The following PLCL2 variants were observed in gnomAD, a reference collection of about 807,000 sequenced individuals.
PLCL2 encodes the protein inactive phospholipase C-like protein 2.
PLCL2 carries 4 observed loss-of-function variants against 79.6 expected under a neutral mutation model. That is an observed-to-expected ratio of 0.05 (90% CI 0.02 to 0.11). The LOEUF (loss-of-function observed/expected upper bound fraction) is 0.11, where lower values mean the gene tolerates loss of function less well. Among genes scored for constraint, PLCL2 ranks in the 10% least tolerant of loss-of-function variants. The pLI is 1.00. For synonymous variants in PLCL2, 484 were observed against 457.7 expected, an observed-to-expected ratio of 1.06 and a Z score of -0.73; for missense variants, 895 against 1,291.0, an observed-to-expected ratio of 0.69 and a Z score of 4.70.
chr3:17,088,920 C>G (rs1172799808), intron 5 of PLCL2, among the ~76,000 whole-genome samples: 9 of 152,200 alleles, frequency 5.9e-5, no homozygotes, highest in Non-Finnish European at 1.3e-4. Context: ...AGTTGATGGT[C>G]AGACCTCAGA....
At chr3:17,060,152 T>C (rs1055000056) in intron 4 of PLCL2, among the ~76,000 whole-genome samples, 1 of 152,178 alleles carries the variant, frequency 6.6e-6, no homozygotes, top group South Asian at 2.1e-4. Flanking sequence ...AATGGTGGCA[T>C]GGTAATTAGA....
rs1213785183 is a variant in PLCL2 at position 17,042,895 on chromosome 3, T to C, written c.3040T>C (p.Leu1014=). 1 of 1,612,278 alleles carries C rather than the reference T, an allele frequency of 6.2e-7. No individual in the cohort carries two copies. The highest frequency in any genetic ancestry group is 2.2e-5 in the East Asian group (1 of 44,864). The change falls in exon 4 of 6, where the codon TTG becomes CTG. Residue 1014 remains leucine (L), a synonymous_variant. Coordinates refer to ENST00000615277, the MANE Select transcript of PLCL2 (RefSeq NM_001144382.2). ...GCAGATGATTCAGTCCCTCAAGGCG[T>C]TGATTGAAAATGCAGATGCTGTATA... ...YDMMIQSLKA[L]IENADAVYEK...
chr3:16,952,529 ATATG>A (rs1200006516), intron 1 of PLCL2, among the ~76,000 whole-genome samples: 10 of 151,966 alleles, frequency 6.6e-5, no homozygotes, highest in Non-Finnish European at 1.2e-4. Flanking sequence ...AAATGAATAA[ATATG>A]TAGGCTTTAA....
At chr3:17,060,495 C>A (rs1418157773) in intron 4 of PLCL2, among the ~76,000 whole-genome samples, 3 of 152,146 alleles carry the variant, frequency 2.0e-5, no homozygotes, top group Non-Finnish European at 4.4e-5. Flanking sequence ...TTAGGCATTT[C>A]CACATCTCCA....
At position 17,011,465 on chromosome 3, in the gene PLCL2, C is replaced by T; in HGVS notation, c.2119C>T (p.Pro707Ser). Reference sequence around the variant, plus strand: ...AATTGTAGCCATGAACTTTCAGACACCAGGACTGATGATGGACCTGAATAT... The same window carrying T: ...AATTGTAGCCATGAACTTTCAGACATCAGGACTGATGATGGACCTGAATAT... ...CQIVAMNFQT[P>S]GLMMDLNIGW... Residue 707 changes from proline to serine, a missense_variant, in exon 2 of 6, where the codon CCA (proline) becomes TCA (serine). Transcript: ENST00000615277. This position sits in a 1 kb window ranked among gnomAD's most constrained non-coding sequence, Gnocchi z 7.9. 1 of 1,614,108 alleles carries T rather than the reference C, an allele frequency of 6.2e-7. No individual in the cohort carries two copies. The highest frequency in any genetic ancestry group is 8.5e-7 in the Non-Finnish European group (1 of 1,179,988).
intron 1 of PLCL2, among the ~76,000 whole-genome samples, chr3:16,930,042 A>G (rs1226381652): frequency 1.3e-5 from 2 of 152,210 alleles, no homozygotes; most frequent in Admixed American, 6.5e-5. Context: ...GACTCCTGTG[A>G]CTTTCAAGTT....
rs372964756 is a variant in PLCL2, at chr3:17,004,036, A to G, written c.328-5638A>G. Among the ~76,000 whole-genome samples, 8 of 152,196 alleles carry G rather than the reference A, an allele frequency of 5.3e-5. 1 individual carries two copies. The highest frequency in any genetic ancestry group is 1.5e-5 in the Non-Finnish European group (1 of 68,002). On this transcript the variant is annotated intron_variant, in intron 1 of 5. Coordinates refer to ENST00000615277, the MANE Select transcript of PLCL2 (RefSeq NM_001144382.2). ...ATCTGATTTCCTCTTACCTGCTTCC[A>G]TGGTGGCCACATCTTCTTCCCACGC...
intron 1 of PLCL2, among the ~76,000 whole-genome samples, chr3:16,998,302 G>A (rs544792627): frequency 2.6e-5 from 4 of 151,984 alleles, no homozygotes; most frequent in Admixed American, 6.6e-5. Flanking sequence ...CATATTTTTC[G>A]CATTATGTGA....
intron 1 of PLCL2, among the ~76,000 whole-genome samples, chr3:16,967,900 T>C (rs1003792356): frequency 9.2e-5 from 14 of 152,168 alleles, no homozygotes; most frequent in Non-Finnish European, 1.0e-4. Context: ...TTTTAGGTTT[T>C]ACATTTAAGT....
chr3:16,981,100 C>T (rs1182147883), intron 1 of PLCL2, among the ~76,000 whole-genome samples: 6 of 152,130 alleles, frequency 3.9e-5, no homozygotes, highest in Admixed American at 6.5e-5. Context: ...CGTCCAGCTT[C>T]GGCTCGGCAT....
intron 2 of PLCL2, among the ~76,000 whole-genome samples, chr3:17,014,229 A>G (rs2064358842): frequency 6.6e-6 from 1 of 152,174 alleles, no homozygotes; most frequent in Non-Finnish European, 1.5e-5. Flanking sequence ...TTAGATTTTG[A>G]GCCAGCAGGC....
chr3:16,897,005 A>G (rs1012822735), intron 1 of PLCL2, among the ~76,000 whole-genome samples: 1 of 152,112 alleles, frequency 6.6e-6, no homozygotes, highest in Non-Finnish European at 1.5e-5. Flanking sequence ...TGGGTTCTCG[A>G]CTTCCCTGTG....
chr3:16,933,544 C>A (rs142518467), intron 1 of PLCL2, among the ~76,000 whole-genome samples: 134 of 152,298 alleles, frequency 8.8e-4, no homozygotes, highest in African/African-American at 3.0e-3. Flanking sequence ...ATATTTGACT[C>A]ATGAATCAGC....
intron 1 of PLCL2, among the ~76,000 whole-genome samples, chr3:16,970,058 A>ATATT (rs1553640074): frequency 0.018 from 2,574 of 145,732 alleles, 77 homozygotes; most frequent in South Asian, 0.087. Flanking sequence ...ATATATATAT[A>ATATT]TTTTATTTTA....
At chr3:16,982,980 G>T (rs149778042) in intron 1 of PLCL2, among the ~76,000 whole-genome samples, 34 of 151,868 alleles carry the variant, frequency 2.2e-4, no homozygotes, top group African/African-American at 7.5e-4. Context: ...ACCATTAGTG[G>T]GCTTTTGTTT....
chr3:16,953,577 G>T (rs991987057), intron 1 of PLCL2, among the ~76,000 whole-genome samples: 1 of 152,068 alleles, frequency 6.6e-6, no homozygotes, highest in Non-Finnish European at 1.5e-5. Flanking sequence ...GTGATGGTAA[G>T]ATGATAATGT....
chr3:16,948,576 C>T (rs2063622583), intron 1 of PLCL2, among the ~76,000 whole-genome samples: 1 of 152,114 alleles, frequency 6.6e-6, no homozygotes. Context: ...TCTTAGTATT[C>T]ATTCACTACT....
rs368632327 is a variant in PLCL2, at chr3:16,903,603, T to C, written c.327+18237T>C. ...ACAGCAAGGTTCTTGCCAGTGAAAG[T>C]GTGGAATCGGTAGGAGTTCTGATGT... On this transcript the variant is annotated intron_variant, in intron 1 of 5. Transcript: ENST00000615277. 7.9e-5 allele frequency among the ~76,000 whole-genome samples: 12 copies of C among 152,296 alleles called. No individual in the cohort carries two copies. The East Asian group carries it at 1.5e-3, about 20-fold the overall frequency.
chr3:16,973,594 C>T (rs1031445952), intron 1 of PLCL2, among the ~76,000 whole-genome samples: 1 of 152,112 alleles, frequency 6.6e-6, no homozygotes, highest in African/African-American at 2.4e-5. Context: ...GAGTATTGCT[C>T]ATGAAAACAC....
Sources: gnomAD v4.1 joint callset for allele counts (sites outside exome capture counted in the v4.1 genomes callset) on GRCh38, gnomAD v4.1.1 for gene constraint, Gnocchi (gnomAD v3.1) non-coding constraint, MANE v1.5 for transcripts, NCBI Gene and HGNC (gene_info 2026-07-23, HGNC 2026-07-21) for gene names.